Variants in CFAP95 observed in about 807,000 individuals in gnomAD.
CFAP95 encodes cilia and flagella associated protein 95.
chr9:69,894,053 A>G, the CFAP95 span, among the ~76,000 whole-genome samples: 68 of 152,304 alleles, frequency 4.5e-4, no homozygotes, highest in Non-Finnish European at 8.2e-4. Flanking sequence ...CTGCTAGTTA[A>G]CCATGGAAAC....
chr9:69,836,201 C>T, the CFAP95 span, among the ~76,000 whole-genome samples: 15,046 of 152,072 alleles, frequency 0.099, 859 homozygotes, highest in South Asian at 0.18. Context: ...TATGTTGGCC[C>T]CATCCTTTTT....
At chr9:69,904,141 A>T in the CFAP95 span, among the ~76,000 whole-genome samples, 1 of 152,164 alleles carries the variant, frequency 6.6e-6, no homozygotes, top group African/African-American at 2.4e-5. Flanking sequence ...TACAATCACC[A>T]CCACAATCAA....
At chr9:69,888,051 A>T in the CFAP95 span, among the ~76,000 whole-genome samples, 1 of 152,212 alleles carries the variant, frequency 6.6e-6, no homozygotes, top group African/African-American at 2.4e-5. Flanking sequence ...ATCTCAAATA[A>T]AAAGGAATAG....
chr9:69,853,152 A>G, the CFAP95 span, among the ~76,000 whole-genome samples: 36 of 152,278 alleles, frequency 2.4e-4, no homozygotes, highest in African/African-American at 8.4e-4. Flanking sequence ...TCTAAAATGA[A>G]TCTTGCCATA....
chr9:69,860,517 A>C, the CFAP95 span, among the ~76,000 whole-genome samples: 1 of 152,140 alleles, frequency 6.6e-6, no homozygotes, highest in Non-Finnish European at 1.5e-5. Context: ...GGGTAGGTCA[A>C]ACATCAAAAA....
chr9:69,849,553 G>A, the CFAP95 span, among the ~76,000 whole-genome samples: 3 of 152,096 alleles, frequency 2.0e-5, no homozygotes, highest in Non-Finnish European at 2.9e-5. Flanking sequence ...ACATAACCAC[G>A]GTGGCAAAGG....
chr9:69,897,589 A>AT, the CFAP95 span, among the ~76,000 whole-genome samples: 8 of 152,194 alleles, frequency 5.3e-5, no homozygotes, highest in Non-Finnish European at 1.0e-4. Context: ...AATGAGTAGA[A>AT]CCAAGGAATA....
chr9:69,843,544 TCCTCCTCCTCCTC>T, the CFAP95 span, among the ~76,000 whole-genome samples: 2 of 27,902 alleles, frequency 7.2e-5, no homozygotes, highest in Admixed American at 4.5e-4. Flanking sequence ...CTCCTCCTCC[TCCTCCTCCTCCTC>T]CTTCTTCTTC....
chr9:69,860,743 C>A, the CFAP95 span, among the ~76,000 whole-genome samples: 1 of 151,238 alleles, frequency 6.6e-6, no homozygotes, highest in African/African-American at 2.4e-5. Flanking sequence ...ATTTTTTTTA[C>A]TTTTAAAACT....
the CFAP95 span, chr9:69,886,734 C>G: frequency 1.3e-6 from 1 of 799,370 alleles, no homozygotes; most frequent in Non-Finnish European, 2.0e-6. Flanking sequence ...TAGGGCCAAT[C>G]CTTCCTGAAA....
chr9:69,905,093 C>T, the CFAP95 span, among the ~76,000 whole-genome samples: 2 of 152,188 alleles, frequency 1.3e-5, no homozygotes, highest in Non-Finnish European at 2.9e-5. Context: ...ACACTCAATA[C>T]TTGTGCCTAA....
chr9:69,887,841 T>A, the CFAP95 span, among the ~76,000 whole-genome samples: 2 of 152,204 alleles, frequency 1.3e-5, no homozygotes, highest in Non-Finnish European at 2.9e-5. Flanking sequence ...CAGGCTACTC[T>A]GTTGGAGGGA....
the CFAP95 span, among the ~76,000 whole-genome samples, chr9:69,887,466 T>G: frequency 6.6e-6 from 1 of 152,204 alleles, no homozygotes; most frequent in African/African-American, 2.4e-5. Flanking sequence ...AATTATCTAT[T>G]CAGGAGAACC....
At chr9:69,838,212 C>A in the CFAP95 span, among the ~76,000 whole-genome samples, 1 of 152,004 alleles carries the variant, frequency 6.6e-6, no homozygotes, top group African/African-American at 2.4e-5. Context: ...CTTGGCAATG[C>A]GGGCTCTTTT....
At chr9:69,892,708 C>T in the CFAP95 span, among the ~76,000 whole-genome samples, 1 of 152,142 alleles carries the variant, frequency 6.6e-6, no homozygotes, top group Non-Finnish European at 1.5e-5. Flanking sequence ...CTATAAAAAT[C>T]CTAGGCCTCA....
At chr9:69,851,170 C>T in the CFAP95 span, among the ~76,000 whole-genome samples, 10 of 152,218 alleles carry the variant, frequency 6.6e-5, no homozygotes, top group Admixed American at 1.3e-4. Context: ...GTTGAACAAA[C>T]GAGACTTGAA....
the CFAP95 span, among the ~76,000 whole-genome samples, chr9:69,893,130 T>C: frequency 6.6e-6 from 1 of 152,152 alleles, no homozygotes; most frequent in Admixed American, 6.6e-5. Flanking sequence ...CCTCAGGGGC[T>C]CTGGGGGTCA....
the CFAP95 span, among the ~76,000 whole-genome samples, chr9:69,838,570 A>G: frequency 6.6e-6 from 1 of 151,566 alleles, no homozygotes; most frequent in Non-Finnish European, 1.5e-5. Context: ...TGTGATTTTT[A>G]TACATTGATT....
the CFAP95 span, among the ~76,000 whole-genome samples, chr9:69,858,544 T>C: frequency 6.6e-6 from 1 of 152,160 alleles, no homozygotes; most frequent in Non-Finnish European, 1.5e-5. Context: ...AAAACACATG[T>C]GTTAGACAAG....
Sources: gnomAD v4.1 joint callset for allele counts (sites outside exome capture counted in the v4.1 genomes callset) on GRCh38, gnomAD v4.1.1 for gene constraint, MANE v1.5 for transcripts, NCBI Gene and HGNC (gene_info 2026-07-23, HGNC 2026-07-21) for gene names.